Variants in FADS1 observed in about 807,000 individuals in gnomAD.
FADS1 encodes the protein acyl-CoA (8-3)-desaturase.
FADS1 carries 17 observed loss-of-function variants against 61.6 expected under a neutral mutation model. The observed-to-expected ratio is 0.28, with a 90% confidence interval of 0.19 to 0.41. The LOEUF (loss-of-function observed/expected upper bound fraction) is 0.41. Ranked by LOEUF, FADS1 falls within the 10% of genes least tolerant of loss-of-function variation. The probability of loss-of-function intolerance (pLI) is 1.00; values close to 1 mark genes in which losing one functional copy is unlikely to be tolerated. For missense variants in FADS1, 387 were observed against 650.9 expected (o/e 0.59, Z 4.41); for synonymous variants, 238 against 258.7 (o/e 0.92, Z 0.77).
At chr11:61,804,132 C>T (rs1169668795) in intron 7 of FADS1, 1 of 268,986 alleles carries the variant, frequency 3.7e-6, no homozygotes, top group African/African-American at 2.2e-5. Context: ...AAGCACCATA[C>T]TCTTCCCCTG....
chr11:61,813,384 G>T, intron 1 of FADS1, 31 bp from the exon 2 acceptor site: 2 of 1,355,784 alleles, frequency 1.5e-6, no homozygotes, highest in South Asian at 1.2e-5. Flanking sequence ...TGAAAGGTGA[G>T]GGAGCCAGCC....
chr11:61,806,863 C>T, intron 5 of FADS1, 139 bp from the exon 6 acceptor site: 1 of 758,708 alleles, frequency 1.3e-6, no homozygotes, highest in Non-Finnish European at 2.4e-6. Flanking sequence ...CCAAGAGGCC[C>T]AGCCTTACCT....
intron 1 of FADS1, 66 bp from the exon 2 acceptor site, chr11:61,813,419 C>G: frequency 1.1e-6 from 1 of 910,512 alleles, no homozygotes. Context: ...AGTGTTCGCA[C>G]CAAAGGCCAT....
Position 61,802,907 on chromosome 11 carries a change from G to A in FADS1, c.1348C>T (p.Arg450Ter), listed in dbSNP as rs372814217. The change falls in exon 11 of 12, where the codon CGA becomes TGA. Residue 450 changes from arginine (R) to a stop codon, truncating the protein, a stop_gained. Coordinates refer to ENST00000350997, the MANE Select transcript of FADS1 (RefSeq NM_013402.7). LOFTEE classifies it high-confidence loss of function. This position sits in a 1 kb window ranked among gnomAD's most constrained non-coding sequence, Gnocchi z 4.2. ...IEHHLFPTMP[R>*]HNYHKVAPLV... ...GGAGCCACTTTGTGGTAATTGTGTCGAGGCATCGTGGGAAAAAGACTTTAG... is the reference window on the plus strand; with the variant it reads ...GGAGCCACTTTGTGGTAATTGTGTCAAGGCATCGTGGGAAAAAGACTTTAG... 1.9e-6 allele frequency: 3 copies of A among 1,613,756 alleles called. No homozygotes were observed. Among genetic ancestry groups the A allele is most frequent in the Non-Finnish European group, 2.5e-6 (3 of 1,179,852 alleles).
intron 1 of FADS1, chr11:61,814,791 C>G (rs1398378782): frequency 6.6e-6 from 1 of 152,196 alleles, no homozygotes; most frequent in Non-Finnish European, 1.5e-5. Context: ...GTGCATTTTA[C>G]AAACCTCTAG....
intron 7 of FADS1, 40 bp downstream of exon 7, chr11:61,804,645 G>A: frequency 6.4e-7 from 1 of 1,567,796 alleles, no homozygotes; most frequent in Non-Finnish European, 8.8e-7. Context: ...TCTGGGTGCT[G>A]GAGACAAGGA....
At position 61,802,836 on chromosome 11, in the gene FADS1, G is replaced by T; in HGVS notation, c.1419C>A (p.Ser473=). The change falls in exon 11 of 12, where the codon TCC becomes TCA. Residue 473 remains serine (S), a synonymous_variant. Coordinates refer to ENST00000350997, the MANE Select transcript of FADS1 (RefSeq NM_013402.7). This position sits in a 1 kb window ranked among gnomAD's most constrained non-coding sequence, Gnocchi z 4.2. ...CGGCGAAGGCTGACAGCAGGGGCTTGGACTGGTACTCTATGCCATGCTTGG... is the reference window on the plus strand; with the variant it reads ...CGGCGAAGGCTGACAGCAGGGGCTTTGACTGGTACTCTATGCCATGCTTGG... ...LCAKHGIEYQ[S]KPLLSAFADI... 6.2e-7 allele frequency: 1 copy of T among 1,614,212 alleles called. No individual in the cohort carries two copies. The highest frequency in any genetic ancestry group is 8.5e-7 in the Non-Finnish European group (1 of 1,180,044).
At position 61,803,444 on chromosome 11, in the gene FADS1, G is replaced by A; in HGVS notation, c.1167C>T (p.Asn389=). 2 of 1,614,030 alleles carry A rather than the reference G, an allele frequency of 1.2e-6. No homozygotes were observed. Among genetic ancestry groups the A allele is most frequent in the East Asian group, 2.2e-5 (1 of 44,888 alleles). ...TCATCTGTGTCACCCACACAAACCA[G>A]TTGCTTTCCAGGAACCTGTTAGATG... The part of the protein sequence containing the change: ...LFFIVRFLES[N]WFVWVTQMNH... The change falls in exon 9 of 12, where the codon AAC becomes AAT. Residue 389 remains asparagine (N), a synonymous_variant. Coordinates refer to ENST00000350997, the MANE Select transcript of FADS1 (RefSeq NM_013402.7). The surrounding 1 kb of genome is among the most constrained non-coding windows in gnomAD (Gnocchi z 4.3).
Position 61,803,198 on chromosome 11 carries a change from G to A in FADS1, c.1249-87C>T. 7.3e-7 allele frequency: 1 copy of A among 1,375,544 alleles called. No individual in the cohort carries two copies. The allele number at this position is 1,375,544 out of a possible 1,614,324, so 85.2% of individuals were successfully genotyped here. A position where few individuals can be genotyped will look rare whatever the true frequency, so the allele number is the denominator to read the frequency against. Reference sequence around the variant, plus strand: ...CTCCAGGTAAAGCTGGCTGAGGAAGGGACATGAGACTGTCTTGGTCACTCC... The same window carrying A: ...CTCCAGGTAAAGCTGGCTGAGGAAGAGACATGAGACTGTCTTGGTCACTCC... On this transcript the variant is annotated intron_variant, in intron 9 of 11. Coordinates refer to ENST00000350997, the MANE Select transcript of FADS1 (RefSeq NM_013402.7). This position sits in a 1 kb window ranked among gnomAD's most constrained non-coding sequence, Gnocchi z 4.3.
chr11:61,813,208 C>A lies in FADS1; in HGVS notation c.486+35G>T, dbSNP rs536997868. 13 of 1,287,346 alleles carry A rather than the reference C, an allele frequency of 1.0e-5. No homozygotes were observed. In the South Asian group the frequency reaches 1.5e-4, roughly 15 times the overall value. 79.7% of individuals were successfully genotyped at this position (1,287,346 alleles called of 1,614,324 possible). ...ACCCCCTCTCTGTCCCCCTCAACAACCAATAGTTGCGACATAGCAAACACA... is the reference window on the plus strand; with the variant it reads ...ACCCCCTCTCTGTCCCCCTCAACAAACAATAGTTGCGACATAGCAAACACA... On this transcript the variant is annotated intron_variant, in intron 2 of 11. Coordinates refer to ENST00000350997, the MANE Select transcript of FADS1 (RefSeq NM_013402.7).
chr11:61,802,233 T>G lies in FADS1; in HGVS notation c.*178A>C. Reference sequence around the variant, plus strand: ...GGGACTTCTGTGTCCACCCCCCACTTTGGGTCTTAGAACTGTGGCTAGAAG... The same window carrying G: ...GGGACTTCTGTGTCCACCCCCCACTGTGGGTCTTAGAACTGTGGCTAGAAG... On this transcript the variant is annotated 3_prime_UTR_variant, in exon 12 of 12. Transcript: ENST00000350997. This position sits in a 1 kb window ranked among gnomAD's most constrained non-coding sequence, Gnocchi z 4.2. 2 of 615,244 alleles carry G rather than the reference T, an allele frequency of 3.3e-6. No individual in the cohort carries two copies. Among genetic ancestry groups the G allele is most frequent in the Non-Finnish European group, 2.9e-6 (1 of 343,320 alleles). The allele number at this position is 615,244 out of a possible 1,614,324, so 38.1% of individuals were successfully genotyped here.
At chr11:61,807,812 G>A (rs928061596) in intron 5 of FADS1, among the ~76,000 whole-genome samples, 1 of 152,208 alleles carries the variant, frequency 6.6e-6, no homozygotes, top group Non-Finnish European at 1.5e-5. Flanking sequence ...CAACCCCTGA[G>A]CAGAGCTCTA....
chr11:61,802,417 G>A lies in FADS1; in HGVS notation c.1500C>T (p.His500=). The change falls in exon 12 of 12, where the codon CAC becomes CAT. Residue 500 remains histidine (H), a synonymous_variant. Coordinates refer to ENST00000350997, the MANE Select transcript of FADS1 (RefSeq NM_013402.7). The surrounding 1 kb of genome is among the most constrained non-coding windows in gnomAD (Gnocchi z 4.2). ...SGQLWLDAYL[H]Q The stretch of plus-strand genomic sequence containing the variant: ...CTGGGCAGGGTGGCTGTTGTTATTG[G>A]TGAAGATAGGCATCTAGCCAGAGCT... 1 of 1,568,294 alleles carries A rather than the reference G, an allele frequency of 6.4e-7. No homozygotes were observed. Among genetic ancestry groups the A allele is most frequent in the Non-Finnish European group, 8.7e-7 (1 of 1,155,254 alleles).
Position 61,815,271 on chromosome 11 carries a change from G to T in FADS1, c.375+1284C>A, listed in dbSNP as rs1444950529. On this transcript the variant is annotated intron_variant, in intron 1 of 11. Coordinates refer to ENST00000350997, the MANE Select transcript of FADS1 (RefSeq NM_013402.7). This position sits in a 1 kb window ranked among gnomAD's most constrained non-coding sequence, Gnocchi z 6.4. ...AAATCACACTGCGGGAAGCTCCAGC[G>T]TTGGTGCCTGTTTCGTCTGCGCATG... 6.0e-6 allele frequency: 1 copy of T among 166,386 alleles called. No homozygotes were observed. The allele number at this position is 166,386 out of a possible 1,614,324, so 10.3% of individuals were successfully genotyped here.
rs781597480 is a variant in FADS1 at position 61,804,754 on chromosome 11, G to A, written c.984C>T (p.Pro328=). ...GGAAGTAGAGAGGCAGCAAGGCTGG[G>A]GGCCCAACTGGGGAGGAAACCGAGA... ...HQHKYFFLIG[P]PALLPLYFQW... The change falls in exon 7 of 12, where the codon CCC becomes CCT. Residue 328 remains proline (P), a synonymous_variant. Coordinates refer to ENST00000350997, the MANE Select transcript of FADS1 (RefSeq NM_013402.7). 2 of 1,613,978 alleles carry A rather than the reference G, an allele frequency of 1.2e-6. No homozygotes were observed. Among genetic ancestry groups the A allele is most frequent in the South Asian group, 1.1e-5 (1 of 91,078 alleles).
chr11:61,816,783 C>T lies in FADS1; in HGVS notation c.147G>A (p.Pro49=), dbSNP rs749035931. ...PSTRLTAPAG[P]ARGVARPAMA... ...TAGCTGGCCTGGCGACGCCGCGCGC[C>T]GGGCCAGCAGGGGCTGTCAGGCGCG... Residue 49 remains proline, a synonymous_variant, in exon 1 of 12, where the codon CCG becomes CCA. Coordinates refer to ENST00000350997, the MANE Select transcript of FADS1 (RefSeq NM_013402.7). The surrounding 1 kb of genome is among the most constrained non-coding windows in gnomAD (Gnocchi z 7.0). 2 of 1,518,156 alleles carry T rather than the reference C, an allele frequency of 1.3e-6. No individual in the cohort carries two copies. Among genetic ancestry groups the T allele is most frequent in the South Asian group, 2.5e-5 (2 of 81,590 alleles). The allele number at this position is 1,518,156 out of a possible 1,614,324, so 94.0% of individuals were successfully genotyped here. A position where few individuals can be genotyped will look rare whatever the true frequency, so the allele number is the denominator to read the frequency against.
chr11:61,812,370 T>A, intron 3 of FADS1, 101 bp downstream of exon 3: 1 of 1,043,214 alleles, frequency 9.6e-7, no homozygotes, highest in South Asian at 1.4e-5. Flanking sequence ...AGATCTGCCC[T>A]GCTTGGAGGG....
rs2066875994 is a variant in FADS1, at chr11:61,803,946, T to C, written c.1054-179A>G. ...CACTGCTCCTTTCTTCCATTCCCATTGGCACCCCCCAGCCCTTCTTGCATG... is the reference window on the plus strand; with the variant it reads ...CACTGCTCCTTTCTTCCATTCCCATCGGCACCCCCCAGCCCTTCTTGCATG... On this transcript the variant is annotated intron_variant, in intron 7 of 11. Transcript: ENST00000350997. This position sits in a 1 kb window ranked among gnomAD's most constrained non-coding sequence, Gnocchi z 4.3. The C allele has an allele frequency of 3.3e-6, 2 of 611,510 alleles. No individual in the cohort carries two copies. The highest frequency in any genetic ancestry group is 5.8e-6 in the Non-Finnish European group (2 of 342,244). 37.9% of individuals were successfully genotyped at this position (611,510 alleles called of 1,614,324 possible). A position where few individuals can be genotyped will look rare whatever the true frequency, so the allele number is the denominator to read the frequency against.
intron 5 of FADS1, among the ~76,000 whole-genome samples, chr11:61,807,636 G>A (rs1051552622): frequency 2.0e-5 from 3 of 152,214 alleles, no homozygotes; most frequent in Non-Finnish European, 4.4e-5. Flanking sequence ...CCGAGCTGCT[G>A]AAGAGACAGG....
Sources: allele counts gnomAD v4.1 joint callset (sites outside exome capture counted in the v4.1 genomes callset), GRCh38; gene constraint gnomAD v4.1.1; non-coding constraint Gnocchi (gnomAD v3.1); transcripts MANE v1.5; gene names NCBI Gene and HGNC (gene_info 2026-07-23, HGNC 2026-07-21).